Variants in RBM19 observed in about 807,000 individuals in gnomAD.
The protein encoded by RBM19 is probable RNA-binding protein 19.
A neutral mutation model predicts 116.8 loss-of-function variants in RBM19; 94 were observed. The observed-to-expected ratio is 0.80, with a 90% CI of 0.68 to 0.95. RBM19 has a LOEUF of 0.95. Among genes scored for constraint, RBM19 ranks in the 40% least tolerant of loss-of-function variants. The pLI is 0.00. For missense variants in RBM19, 1,161 were observed against 1,220.7 expected (o/e 0.95, Z 0.73); for synonymous variants, 475 against 494.1 (o/e 0.96, Z 0.51).
rs1195758153 is a variant in RBM19, at chr12:113,865,827, GA to G, written c.2559-6932del. Among the ~76,000 whole-genome samples the G allele has an allele frequency of 6.7e-4, 93 of 139,468 alleles. 1 individual carries two copies. Among genetic ancestry groups the G allele is most frequent in the Admixed American group, 2.4e-3 (34 of 13,922 alleles). The allele number at this position is 139,468 out of a possible 152,430, so 91.5% of individuals were successfully genotyped here. ...TCCAGGCAATGAATCATCACAGCAA[GA>G]AAAAAAAAAAGGGGGCAGGGGGGCC... On this transcript the variant is annotated intron_variant, in intron 21 of 23. Transcript: ENST00000261741.
chr12:113,819,129 C>T (rs1017825284), downstream of RBM19, among the ~76,000 whole-genome samples: 14 of 152,160 alleles, frequency 9.2e-5, no homozygotes, highest in African/African-American at 2.4e-4. Flanking sequence ...AGACCCACAG[C>T]GGGTGGGAGA....
At chr12:113,902,418 G>A (rs1226487510) in intron 21 of RBM19, among the ~76,000 whole-genome samples, 2 of 152,026 alleles carry the variant, frequency 1.3e-5, no homozygotes, top group Non-Finnish European at 2.9e-5. Flanking sequence ...GGGCAACATA[G>A]CAAGCCCTGT....
Position 113,851,788 on chromosome 12 carries a change from G to A in RBM19, c.2665-7000C>T, listed in dbSNP as rs1041579623. Among the ~76,000 whole-genome samples the A allele has an allele frequency of 2.7e-5, 4 of 149,150 alleles. No individual in the cohort carries two copies. In the South Asian group the frequency reaches 6.3e-4, roughly 24 times the overall value. On this transcript the variant is annotated intron_variant, in intron 22 of 23. Transcript: ENST00000261741. ...TTTTAGGCTGGGTGCGGTGGCTCAC[G>A]CCTGTAATCCCAGCACTTTGGGAAG...
chr12:113,952,140 A>C (rs977770405), intron 8 of RBM19, among the ~76,000 whole-genome samples: 2 of 151,740 alleles, frequency 1.3e-5, no homozygotes, highest in Non-Finnish European at 2.9e-5. Context: ...ACGGGGCAAC[A>C]CCACACATGC....
intron 2 of RBM19, 30 bp downstream of exon 2, chr12:113,962,202 A>C (rs117435297): frequency 0.031 from 49,806 of 1,607,558 alleles, 2,307 homozygotes; most frequent in Admixed American, 0.2. Flanking sequence ...ACTTGACAGG[A>C]AGGTAAGGGT....
intron 22 of RBM19, among the ~76,000 whole-genome samples, chr12:113,854,985 G>T (rs946072153): frequency 6.6e-6 from 1 of 152,244 alleles, no homozygotes; most frequent in Non-Finnish European, 1.5e-5. Flanking sequence ...TCTGAGCTCT[G>T]CCACAACAGC....
rs543927818 is a variant in RBM19, at chr12:113,850,285, AC to A, written c.2665-5498del. 7.2e-5 allele frequency among the ~76,000 whole-genome samples: 11 copies of A among 152,120 alleles called. No homozygotes were observed. The East Asian group carries it at 2.1e-3, about 29-fold the overall frequency. ...GGGGTGTCTCGCATGCCTTGGCCCT[AC>A]TCAGAATTTGAGGCCTACCCAGGAA... On this transcript the variant is annotated intron_variant, in intron 22 of 23. Coordinates refer to ENST00000261741, the MANE Select transcript of RBM19 (RefSeq NM_016196.4).
chr12:113,896,670 G>T (rs1881352496), intron 21 of RBM19, among the ~76,000 whole-genome samples: 1 of 152,174 alleles, frequency 6.6e-6, no homozygotes, highest in Admixed American at 6.5e-5. Flanking sequence ...TGAGGAGAGG[G>T]AAGGCGGGAG....
In RBM19 at chr12:113,946,608, G is replaced by C. The variant is rs1179698633; in HGVS notation, c.1408-133C>G. 2.4e-6 allele frequency: 3 copies of C among 1,237,456 alleles called. No individual in the cohort carries two copies. In the East Asian group the frequency reaches 7.4e-5, roughly 31 times the overall value. The allele number at this position is 1,237,456 out of a possible 1,614,324, so 76.7% of individuals were successfully genotyped here. ...AACCCTGACCAGAGGGTGGGAGGGA[G>C]GTCAGGTAGAACGTGGCCACTCTCT... is the stretch of plus-strand genomic sequence containing the variant. On this transcript the variant is annotated intron_variant, in intron 11 of 23. Coordinates refer to ENST00000261741, the MANE Select transcript of RBM19 (RefSeq NM_016196.4).
At chr12:113,909,951 G>T (rs749655267) in intron 21 of RBM19, among the ~76,000 whole-genome samples, 1 of 152,158 alleles carries the variant, frequency 6.6e-6, no homozygotes, top group Non-Finnish European at 1.5e-5. Context: ...TTACAGATGA[G>T]GAAAACTGAG....
Position 113,942,330 on chromosome 12 carries a change from G to A in RBM19, c.1731C>T (p.Phe577=). The A allele has an allele frequency of 1.2e-6, 2 of 1,605,306 alleles. No individual in the cohort carries two copies. Among genetic ancestry groups the A allele is most frequent in the Non-Finnish European group, 8.5e-7 (1 of 1,179,684 alleles). ...LIDNGVSLDS[F]SQAAAERSKT... is the part of the protein sequence containing the mutation. ...CGCCACCGAGAACACCCACCTGGCT[G>A]AAGGAATCCAGGCTGACCCCGTTGT... Residue 577 remains phenylalanine, a synonymous_variant, in exon 14 of 24, where the codon TTC becomes TTT. Transcript: ENST00000261741.
intron 7 of RBM19, among the ~76,000 whole-genome samples, chr12:113,953,901 A>G (rs1000010669): frequency 2.0e-5 from 3 of 152,392 alleles, no homozygotes; most frequent in Non-Finnish European, 4.4e-5. Flanking sequence ...CAGAGATTAA[A>G]TGGCTTACAA....
intron 21 of RBM19, among the ~76,000 whole-genome samples, chr12:113,864,648 A>G (rs1484523908): frequency 6.6e-6 from 1 of 152,258 alleles, no homozygotes; most frequent in Admixed American, 6.5e-5. Flanking sequence ...CCAACTGCAC[A>G]GCTAGGAACA....
chr12:113,860,240 G>T (rs374559078), intron 21 of RBM19, among the ~76,000 whole-genome samples: 96 of 152,308 alleles, frequency 6.3e-4, no homozygotes, highest in African/African-American at 2.1e-3. Context: ...GGGGGCCAGG[G>T]CTGGGGACCA....
At chr12:113,829,088 T>C (rs1875141899) in intron 23 of RBM19, among the ~76,000 whole-genome samples, 1 of 152,026 alleles carries the variant, frequency 6.6e-6, no homozygotes, top group Non-Finnish European at 1.5e-5. Flanking sequence ...ACCTCTGCTT[T>C]CCGGGTTTGA....
rs761215682 is a variant in RBM19 at position 113,823,327 on chromosome 12, G to A, written c.2786-6C>T. The A allele has an allele frequency of 6.2e-7, 1 of 1,611,854 alleles. No individual in the cohort carries two copies. Among genetic ancestry groups the A allele is most frequent in the East Asian group, 2.2e-5 (1 of 44,872 alleles). On this transcript the variant is annotated splice_region_variant and splice_polypyrimidine_tract_variant and intron_variant, in intron 23 of 23. Transcript: ENST00000261741. ...CCGCTTTTTCTTCGGGGGCTCTGTG[G>A]GAGCCCAGATGGCAAGAGAGGAGAA...
intron 1 of RBM19, among the ~76,000 whole-genome samples, chr12:113,965,080 G>A (rs1034336940): frequency 6.6e-6 from 1 of 152,020 alleles, no homozygotes; most frequent in African/African-American, 2.4e-5. Flanking sequence ...AGACCAACTT[G>A]TCCAACATGG....
intron 21 of RBM19, among the ~76,000 whole-genome samples, chr12:113,872,445 C>A (rs1220062957): frequency 7.2e-6 from 1 of 138,672 alleles, no homozygotes; most frequent in Non-Finnish European, 1.6e-5. Context: ...AGGTGAGGGG[C>A]GCCTCTGCTC....
At chr12:113,913,777 C>T (rs1882600410) in intron 21 of RBM19, among the ~76,000 whole-genome samples, 1 of 152,210 alleles carries the variant, frequency 6.6e-6, no homozygotes, top group Non-Finnish European at 1.5e-5. Context: ...GTAGAATGAA[C>T]GAACGAGACC....
Sources: allele counts gnomAD v4.1 joint callset (sites outside exome capture counted in the v4.1 genomes callset), GRCh38; gene constraint gnomAD v4.1.1; transcripts MANE v1.5; gene names NCBI Gene and HGNC (gene_info 2026-07-23, HGNC 2026-07-21).